The following UGT3A1 variants were observed in gnomAD, a reference collection of about 807,000 sequenced individuals.
UGT3A1 encodes the protein UDP glycosyltransferase family 3 member A1.
A neutral mutation model predicts 37.6 loss-of-function variants in UGT3A1; 40 were observed. The observed-to-expected ratio is 1.06, with a 90% CI of 0.83 to 1.38. The LOEUF (loss-of-function observed/expected upper bound fraction) is 1.38. Ranked by LOEUF, UGT3A1 falls within the 40% of genes most tolerant of loss-of-function variation. UGT3A1 has a pLI of 0.00. For synonymous variants in UGT3A1, 256 were observed against 232.3 expected, an observed-to-expected ratio of 1.10 and a Z score of -0.93; for missense variants, 642 against 634.2, an observed-to-expected ratio of 1.01 and a Z score of -0.13.
chr5:35,968,334 C>A (rs2149965023), intron 2 of UGT3A1, among the ~76,000 whole-genome samples: 1 of 152,262 alleles, frequency 6.6e-6, no homozygotes, highest in East Asian at 1.9e-4. Context: ...ATTATCCAGG[C>A]ACTTTTATTC....
At position 35,991,198 on chromosome 5, in the gene UGT3A1, A is replaced by G. The variant is rs1007572516; in HGVS notation, c.43T>C (p.Ser15Pro). ...GCAGCCTCTGAGAGCAGGACCCCAG[A>G]AAGAAGGAAGGCCACTAGAAGCAGC... ...RVLLLVAFLL[S>P]GVLLSEAAKI... The change falls in exon 1 of 7, where the codon TCT becomes CCT. Residue 15 changes from serine to proline, a missense_variant. By Grantham distance (74) the Ser-to-Pro change is moderately conservative. Coordinates refer to ENST00000274278, the MANE Select transcript of UGT3A1 (RefSeq NM_152404.4). The G allele has an allele frequency of 1.2e-6, 2 of 1,614,106 alleles. No individual in the cohort carries two copies. Among genetic ancestry groups the G allele is most frequent in the African/African-American group, 1.3e-5 (1 of 74,942 alleles).
At chr5:35,972,482 G>GTCCT (rs1169288667) in intron 2 of UGT3A1, among the ~76,000 whole-genome samples, 1 of 143,470 alleles carries the variant, frequency 7.0e-6, no homozygotes, top group Non-Finnish European at 1.5e-5. Flanking sequence ...TGTAAACCAA[G>GTCCT]TCCTTGAAAT....
chr5:35,996,547 G>C (rs1741100621), intron 2 of UGT3A1, among the ~76,000 whole-genome samples: 1 of 152,190 alleles, frequency 6.6e-6, no homozygotes, highest in Non-Finnish European at 1.5e-5. Flanking sequence ...GACACGTTAA[G>C]TAGGTCCCAT....
At chr5:35,990,292 G>A (rs1386907927) in intron 1 of UGT3A1, among the ~76,000 whole-genome samples, 2 of 152,004 alleles carry the variant, frequency 1.3e-5, no homozygotes, top group East Asian at 3.9e-4. Flanking sequence ...CACTAAATTA[G>A]ATGATCCGTG....
chr5:35,992,424 G>A (rs1043385380), upstream of UGT3A1, among the ~76,000 whole-genome samples: 13 of 152,026 alleles, frequency 8.6e-5, no homozygotes, highest in Admixed American at 2.0e-4. Flanking sequence ...GAAGTGTGGA[G>A]GGGGGAAGGT....
In UGT3A1 at chr5:35,991,139, GCACT is replaced by G; in HGVS notation, c.94+4_94+7del. 6.2e-7 allele frequency: 1 copy of G among 1,614,240 alleles called. No individual in the cohort carries two copies. Among genetic ancestry groups the G allele is most frequent in the Non-Finnish European group, 8.5e-7 (1 of 1,180,032 alleles). The stretch of plus-strand genomic sequence containing the variant: ...GCCTGTCTGGGAATTCTCCGGCCAA[GCACT>G]CACCCAGTGTAGATATTGTCAGGAT... On this transcript the variant is annotated splice_donor_5th_base_variant and intron_variant, in intron 1 of 6. Transcript: ENST00000274278.
chr5:35,951,421 A>T lies in UGT3A1; in HGVS notation c.*2781T>A, dbSNP rs1739198700. On this transcript the variant is annotated 3_prime_UTR_variant, in exon 7 of 7. Coordinates refer to ENST00000274278, the MANE Select transcript of UGT3A1 (RefSeq NM_152404.4). ...CTTTTTCTTATAAAAAAAAGGATAC[A>T]TCCTATAGTTACTCTTACTCTTTGC... 1 of 152,122 alleles carries T rather than the reference A, an allele frequency of 6.6e-6. No homozygotes were observed. The highest frequency in any genetic ancestry group is 1.5e-5 in the Non-Finnish European group (1 of 68,000). The allele number at this position is 152,122 out of a possible 1,614,324, so 9.4% of individuals were successfully genotyped here.
rs116643537 is a variant in UGT3A1 at position 35,989,481 on chromosome 5, G to A, written c.95-930C>T. On this transcript the variant is annotated intron_variant, in intron 1 of 6. Coordinates refer to ENST00000274278, the MANE Select transcript of UGT3A1 (RefSeq NM_152404.4). ...TGGAAGGGGAGTAGAGAAATAGTGC[G>A]CAGCTGTCTGAATGACTCACTCTAC... 2.5e-3 allele frequency among the ~76,000 whole-genome samples: 384 copies of A among 152,300 alleles called. 4 individuals carry two copies. Among genetic ancestry groups the A allele is most frequent in the African/African-American group, 8.9e-3 (369 of 41,560 alleles).
At position 35,965,666 on chromosome 5, in the gene UGT3A1, G is replaced by C; in HGVS notation, c.563C>G (p.Pro188Arg). 1 of 1,614,208 alleles carries C rather than the reference G, an allele frequency of 6.2e-7. No homozygotes were observed. The highest frequency in any genetic ancestry group is 8.5e-7 in the Non-Finnish European group (1 of 1,180,040). The change falls in exon 4 of 7, where the codon CCT (proline) becomes CGT (arginine). Residue 188 changes from proline (P) to arginine (R), a missense_variant. By Grantham distance (103) the Pro-to-Arg change is moderately radical. Coordinates refer to ENST00000274278, the MANE Select transcript of UGT3A1 (RefSeq NM_152404.4). Reference protein sequence around the residue: ...PSPLSYVPVFPSLLTDHMDFW... With the variant: ...PSPLSYVPVFRSLLTDHMDFW... ...GTCCATGTGATCAGTCAGCAAGGAA[G>C]GGAATACTGGAACATAAGACAAGGG... is the stretch of plus-strand genomic sequence containing the variant.
chr5:35,958,375 G>GT (rs1739440700), intron 4 of UGT3A1, among the ~76,000 whole-genome samples: 2 of 152,004 alleles, frequency 1.3e-5, no homozygotes, highest in Admixed American at 1.3e-4. Flanking sequence ...CAGCATTTTT[G>GT]TGACTGTCTC....
At chr5:35,987,296 T>G (rs1357021668) in intron 2 of UGT3A1, among the ~76,000 whole-genome samples, 1 of 152,102 alleles carries the variant, frequency 6.6e-6, no homozygotes, top group Non-Finnish European at 1.5e-5. Context: ...GGAAGAATAT[T>G]TCATCTCAAC....
chr5:35,965,588 T>C lies in UGT3A1; in HGVS notation c.641A>G (p.Gln214Arg), dbSNP rs186655397. The C allele has an allele frequency of 1.2e-6, 2 of 1,614,168 alleles. No homozygotes were observed. Among genetic ancestry groups the C allele is most frequent in the African/African-American group, 2.7e-5 (2 of 75,048 alleles). The change falls in exon 4 of 7, where the codon CAA becomes CGA. Residue 214 changes from glutamine (Q) to arginine (R), a missense_variant. Transcript: ENST00000274278. ...GTCAAATGTAGACTGCATGTCCCATTGGCTCCTGGAGAAACTAAAGAACAT... is the reference window on the plus strand; with the variant it reads ...GTCAAATGTAGACTGCATGTCCCATCGGCTCCTGGAGAAACTAAAGAACAT... ...FLMFFSFSRS[Q>R]WDMQSTFDNT...
chr5:35,991,744 G>T (rs1740958436), upstream of UGT3A1: 5 of 655,564 alleles, frequency 7.6e-6, no homozygotes, highest in Non-Finnish European at 9.5e-6. Context: ...AAAATCTCTA[G>T]CTGGTGTCCC....
At chr5:35,962,667 G>A (rs897872625) in intron 4 of UGT3A1, 35 of 547,906 alleles carry the variant, frequency 6.4e-5, no homozygotes, top group African/African-American at 2.8e-4. Context: ...CAGGCCATTC[G>A]TCCTCACGCC....
At chr5:35,974,615 A>C (rs1035582916) in intron 2 of UGT3A1, among the ~76,000 whole-genome samples, 3 of 152,332 alleles carry the variant, frequency 2.0e-5, no homozygotes, top group Non-Finnish European at 4.4e-5. Flanking sequence ...CATAAACATA[A>C]CCACACAGGA....
chr5:35,962,199 C>T (rs749593607), intron 4 of UGT3A1: 2 of 152,250 alleles, frequency 1.3e-5, no homozygotes, highest in South Asian at 4.1e-4. Flanking sequence ...AAAAGTAACA[C>T]AATGTCTCTC....
intron 4 of UGT3A1, chr5:35,962,345 G>C (rs181157524): frequency 6.5e-6 from 1 of 153,424 alleles, no homozygotes; most frequent in Non-Finnish European, 1.5e-5. Context: ...CCTTACTGGG[G>C]CCAAATTCAC....
intron 2 of UGT3A1, among the ~76,000 whole-genome samples, chr5:35,971,489 C>CACACAT (rs1740036101): frequency 2.7e-5 from 4 of 150,504 alleles, no homozygotes; most frequent in Non-Finnish European, 4.4e-5. Flanking sequence ...CACACACACA[C>CACACAT]ACATACACAA....
intron 2 of UGT3A1, among the ~76,000 whole-genome samples, chr5:35,985,137 A>T (rs1314900976): frequency 6.6e-6 from 1 of 151,094 alleles, no homozygotes; most frequent in Non-Finnish European, 1.5e-5. Flanking sequence ...TAAAATACCT[A>T]GAAATCAATT....
Sources: gnomAD v4.1 joint callset for allele counts (sites outside exome capture counted in the v4.1 genomes callset) on GRCh38, gnomAD v4.1.1 for gene constraint, MANE v1.5 for transcripts, NCBI Gene and HGNC (gene_info 2026-07-23, HGNC 2026-07-21) for gene names.